TOP1: variants seen among roughly 807,000 people sequenced by gnomAD.
TOP1 encodes the protein DNA topoisomerase 1.
TOP1 carries 10 observed loss-of-function variants against 111.1 expected under a neutral mutation model. The ratio of observed to expected loss-of-function variants is 0.09; its 90% CI spans 0.06 to 0.15. TOP1 has a LOEUF of 0.15. TOP1 is among the 10% of genes least tolerant of loss of function. TOP1 has a pLI of 1.00. For missense variants in TOP1, 474 were observed against 926.7 expected, an observed-to-expected ratio of 0.51 and a Z score of 6.34; for synonymous variants, 271 against 302.9, an observed-to-expected ratio of 0.89 and a Z score of 1.10.
chr20:41,113,810 G>A (rs1264432208), intron 14 of TOP1, among the ~76,000 whole-genome samples, 160 bp from the exon 15 acceptor site: 1 of 150,622 alleles, frequency 6.6e-6, no homozygotes, highest in African/African-American at 2.5e-5. Context: ...ATGAACCCGG[G>A]AGACGGAGCT....
Position 41,116,284 on chromosome 20 carries a change from A to G in TOP1, c.1714A>G (p.Ile572Val). Residue 572 changes from isoleucine (I) to valine (V), a missense_variant, in exon 17 of 21, where the codon ATT becomes GTT. By Grantham distance (29) the Ile-to-Val change is conservative. This residue lies in a region of TOP1 where 18 missense variants were observed against 88.6 expected (regional missense o/e 0.20). Transcript: ENST00000361337. This position sits in a 1 kb window ranked among gnomAD's most constrained non-coding sequence, Gnocchi z 5.6. ...DDLFDRLNTG[I>V]LNKHLQDLME... ...GTTGCTTTGTCTCCTCCAGACTGGT[A>G]TTCTGAATAAGCATCTTCAGGATCT... The G allele has an allele frequency of 1.2e-6, 2 of 1,611,166 alleles. No individual in the cohort carries two copies. The highest frequency in any genetic ancestry group is 1.1e-5 in the South Asian group (1 of 90,976).
chr20:41,089,800 C>T (rs116362048), intron 8 of TOP1, among the ~76,000 whole-genome samples: 129 of 152,280 alleles, frequency 8.5e-4, no homozygotes, highest in African/African-American at 3.0e-3. Context: ...TTCACCAACA[C>T]TTGTTATTTT....
rs2034080775 is a variant in TOP1, at chr20:41,102,567, G to A, written c.1308+1214G>A. On this transcript the variant is annotated intron_variant, in intron 13 of 20. Coordinates refer to ENST00000361337, the MANE Select transcript of TOP1 (RefSeq NM_003286.4). The surrounding 1 kb of genome is among the most constrained non-coding windows in gnomAD (Gnocchi z 4.0). ...AGAGGTCGCAGTGAGCTGAGATCAC[G>A]CCACTGCACTCCAGCCTGGGCAAGA... 2.6e-5 allele frequency among the ~76,000 whole-genome samples: 4 copies of A among 152,266 alleles called. No individual in the cohort carries two copies. Among genetic ancestry groups the A allele is most frequent in the East Asian group, 1.9e-4 (1 of 5,190 alleles).
chr20:41,074,229 A>G (rs2033699360), intron 3 of TOP1, among the ~76,000 whole-genome samples: 1 of 152,194 alleles, frequency 6.6e-6, no homozygotes. Context: ...ATTTTTAAAT[A>G]AAACATTGCA....
At position 41,123,397 on chromosome 20, in the gene TOP1, A is replaced by G; in HGVS notation, c.*100A>G. 1.3e-6 allele frequency: 1 copy of G among 791,400 alleles called. No homozygotes were observed. Among genetic ancestry groups the G allele is most frequent in the Non-Finnish European group, 2.1e-6 (1 of 481,126 alleles). The allele number at this position is 791,400 out of a possible 1,614,324, so 49.0% of individuals were successfully genotyped here. On this transcript the variant is annotated 3_prime_UTR_variant, in exon 21 of 21. Transcript: ENST00000361337. The surrounding 1 kb of genome is among the most constrained non-coding windows in gnomAD (Gnocchi z 5.8). ...GCCCTCGTGCCTGGGGGAGAGAGGC[A>G]GCAAGTCTTAACAAACCAACATCTT...
chr20:41,038,653 A>G (rs537399054), intron 2 of TOP1, among the ~76,000 whole-genome samples: 1 of 152,228 alleles, frequency 6.6e-6, no homozygotes, highest in Non-Finnish European at 1.5e-5. Flanking sequence ...TGCTGCATAC[A>G]CACCACTTTG....
intron 2 of TOP1, among the ~76,000 whole-genome samples, chr20:41,045,511 G>T (rs1053438034): frequency 3.3e-5 from 5 of 152,146 alleles, no homozygotes; most frequent in African/African-American, 1.2e-4. Flanking sequence ...AGGTCCTTTG[G>T]ATGAAGTAAG....
intron 3 of TOP1, chr20:41,072,171 T>C: frequency 2.2e-6 from 2 of 908,006 alleles, no homozygotes; most frequent in Non-Finnish European, 2.6e-6. Flanking sequence ...TCATCTGTTT[T>C]TCAGCCTCTA....
chr20:41,078,182 C>G lies in TOP1; in HGVS notation c.335+545C>G, dbSNP rs891976160. On this transcript the variant is annotated intron_variant, in intron 5 of 20. Transcript: ENST00000361337. This position sits in a 1 kb window ranked among gnomAD's most constrained non-coding sequence, Gnocchi z 5.3. The stretch of plus-strand genomic sequence containing the variant: ...GTAGATTTGGGTAGAATTATGTTAT[C>G]TCTTTTCTAGAAGGAGAGGAAAATG... Among the ~76,000 whole-genome samples, 2 of 149,990 alleles carry G rather than the reference C, an allele frequency of 1.3e-5. No individual in the cohort carries two copies. Among genetic ancestry groups the G allele is most frequent in the African/African-American group, 4.9e-5 (2 of 40,630 alleles).
chr20:41,041,128 T>C (rs2033258846), intron 2 of TOP1, among the ~76,000 whole-genome samples: 1 of 152,134 alleles, frequency 6.6e-6, no homozygotes, highest in Admixed American at 6.5e-5. Context: ...ATTGAGCTTT[T>C]GTTATCCTCT....
chr20:41,098,533 C>T lies in TOP1; in HGVS notation c.975+196C>T, dbSNP rs1259449453. On this transcript the variant is annotated intron_variant, in intron 11 of 20. Transcript: ENST00000361337. This position sits in a 1 kb window ranked among gnomAD's most constrained non-coding sequence, Gnocchi z 5.7. Reference sequence around the variant, plus strand: ...GAAAATTGTGAACAAGTACTTTGCTCAGTAGCTCTGTACAGGAATCTTGGT... The same window carrying T: ...GAAAATTGTGAACAAGTACTTTGCTTAGTAGCTCTGTACAGGAATCTTGGT... 18 of 564,472 alleles carry T rather than the reference C, an allele frequency of 3.2e-5. No individual in the cohort carries two copies. Among genetic ancestry groups the T allele is most frequent in the Non-Finnish European group, 3.9e-5 (13 of 332,436 alleles). 35.0% of individuals were successfully genotyped at this position (564,472 alleles called of 1,614,324 possible).
At chr20:41,076,009 T>TA (rs2033723110) in intron 3 of TOP1, among the ~76,000 whole-genome samples, 162 bp from the exon 4 acceptor site, 1 of 152,202 alleles carries the variant, frequency 6.6e-6, no homozygotes, top group South Asian at 2.1e-4. Flanking sequence ...TCAAACAAGA[T>TA]AAAGTCCGAT....
At chr20:41,073,190 T>C (rs1364814863) in intron 3 of TOP1, 52 of 985,196 alleles carry the variant, frequency 5.3e-5, no homozygotes, top group Non-Finnish European at 6.0e-5. Flanking sequence ...CACTTGTAGG[T>C]ACCTATGTTG....
intron 8 of TOP1, among the ~76,000 whole-genome samples, chr20:41,090,054 A>G (rs1434833610): frequency 1.3e-5 from 2 of 152,122 alleles, no homozygotes; most frequent in Non-Finnish European, 2.9e-5. Context: ...GCTCACTGCA[A>G]CATCTGCCTC....
rs143687244 is a variant in TOP1 at position 41,097,560 on chromosome 20, T to C, written c.852+219T>C. Among the ~76,000 whole-genome samples, 175 of 152,316 alleles carry C rather than the reference T, an allele frequency of 1.1e-3. 4 individuals are homozygous for C. In the East Asian group the frequency reaches 0.03, roughly 26 times the overall value. On this transcript the variant is annotated intron_variant, in intron 10 of 20. Transcript: ENST00000361337. The surrounding 1 kb of genome is among the most constrained non-coding windows in gnomAD (Gnocchi z 4.2). ...ATCTTTGCTATTGGCTCTCATGTGATGGCAGGTAGGTGGGGGTTATCAGAT... is the reference window on the plus strand; with the variant it reads ...ATCTTTGCTATTGGCTCTCATGTGACGGCAGGTAGGTGGGGGTTATCAGAT...
rs2034419025 is a variant in TOP1, at chr20:41,121,268, A to G, written c.1951-428A>G. Among the ~76,000 whole-genome samples, 1 of 152,192 alleles carries G rather than the reference A, an allele frequency of 6.6e-6. No homozygotes were observed. Among genetic ancestry groups the G allele is most frequent in the South Asian group, 2.1e-4 (1 of 4,822 alleles). On this transcript the variant is annotated intron_variant, in intron 18 of 20. Transcript: ENST00000361337. The surrounding 1 kb of genome is among the most constrained non-coding windows in gnomAD (Gnocchi z 4.2). ...CTGGGGTTGCCCAGTAGATGCAAGT[A>G]TCCTGCTTCAGTTTCCTAAAGAGGA...
Position 41,032,161 on chromosome 20 carries a change from AT to A in TOP1, c.58+2708del, listed in dbSNP as rs1213965557. On this transcript the variant is annotated intron_variant, in intron 2 of 20. Transcript: ENST00000361337. This position sits in a 1 kb window ranked among gnomAD's most constrained non-coding sequence, Gnocchi z 4.3. ...TAAGAGGGCCTAACCCATCTTACAG[AT>A]TAACTGTACAAGTTCATATATTAAA... Among the ~76,000 whole-genome samples the A allele has an allele frequency of 6.6e-6, 1 of 152,192 alleles. No individual in the cohort carries two copies. Among genetic ancestry groups the A allele is most frequent in the Non-Finnish European group, 1.5e-5 (1 of 68,026 alleles).
rs990675089 is a variant in TOP1, at chr20:41,097,634, C to T, written c.852+293C>T. On this transcript the variant is annotated intron_variant, in intron 10 of 20. Transcript: ENST00000361337. This position sits in a 1 kb window ranked among gnomAD's most constrained non-coding sequence, Gnocchi z 4.2. ...TCCAGTTGCGCACAGGAAAGTTTGTCGCTGCAGGACTGCCCCGTGTCTGCT... is the reference window on the plus strand; with the variant it reads ...TCCAGTTGCGCACAGGAAAGTTTGTTGCTGCAGGACTGCCCCGTGTCTGCT... 1.6e-4 allele frequency among the ~76,000 whole-genome samples: 24 copies of T among 152,270 alleles called. No homozygotes were observed. The highest frequency in any genetic ancestry group is 5.1e-4 in the African/African-American group (21 of 41,550).
intron 2 of TOP1, among the ~76,000 whole-genome samples, chr20:41,040,176 C>T (rs1378703512): frequency 6.6e-6 from 1 of 152,220 alleles, no homozygotes; most frequent in Non-Finnish European, 1.5e-5. Context: ...TTGCCCCTTC[C>T]TAATCCATGA....
Sources: gnomAD v4.1 joint callset for allele counts (sites outside exome capture counted in the v4.1 genomes callset) on GRCh38, gnomAD v4.1.1 for gene constraint, gnomAD v4.1.1 regional missense constraint, Gnocchi (gnomAD v3.1) non-coding constraint, MANE v1.5 for transcripts, NCBI Gene and HGNC (gene_info 2026-07-23, HGNC 2026-07-21) for gene names.